The following MYH16 variants were observed in gnomAD, a reference collection of about 807,000 sequenced individuals.
MYH16 encodes putative uncharacterized protein MYH16.
At chr7:99,289,013 C>A in intron 29 of MYH16, among the ~76,000 whole-genome samples, 1 of 151,814 alleles carries the variant, frequency 6.6e-6, no homozygotes, top group East Asian at 1.9e-4. Flanking sequence ...ACTCAGGAGG[C>A]TGTGGTGAGA....
intron 23 of MYH16, chr7:99,280,971 GCTGCACCAGGTAGGTTTCCC>G: frequency 2.5e-6 from 1 of 408,006 alleles, no homozygotes; most frequent in African/African-American, 2.1e-5. Flanking sequence ...CCCTAGAGGA[GCTGCACCAGGTAGGTTTCCC>G]TTGCATCTTC....
chr7:99,307,218 G>A (rs575874475), downstream of MYH16, among the ~76,000 whole-genome samples: 10 of 152,216 alleles, frequency 6.6e-5, no homozygotes, highest in South Asian at 2.1e-4. Context: ...GTTATCTTTC[G>A]TGTCCCCCAC....
At chr7:99,271,005 G>A (rs541593266) in exon 19 of MYH16, 1 of 152,788 alleles carries the variant, frequency 6.5e-6, no homozygotes, top group South Asian at 2.1e-4. Flanking sequence ...CATGAGGGAC[G>A]AGCGTCTGGC....
At chr7:99,282,084 G>A (rs192318864) in intron 23 of MYH16, among the ~76,000 whole-genome samples, 5 of 151,922 alleles carry the variant, frequency 3.3e-5, no homozygotes, top group Non-Finnish European at 5.9e-5. Context: ...GTGCAGTGGC[G>A]TGATCTCAGC....
intron 2 of MYH16, among the ~76,000 whole-genome samples, chr7:99,244,227 T>C (rs992462512): frequency 1.3e-4 from 20 of 152,176 alleles, no homozygotes. Context: ...CATCCACCCA[T>C]CCATCCAACA....
intron 13 of MYH16, among the ~76,000 whole-genome samples, chr7:99,262,527 C>T (rs1791948147): frequency 6.6e-6 from 1 of 152,222 alleles, no homozygotes; most frequent in Non-Finnish European, 1.5e-5. Flanking sequence ...AGTCAAGTGG[C>T]ACCTGTGCAT....
chr7:99,297,976 G>A (rs1792527841), exon 36 of MYH16: 1 of 456,622 alleles, frequency 2.2e-6, no homozygotes, highest in Non-Finnish European at 4.4e-6. Context: ...TGAGAAAGAA[G>A]AAGAATTTGA....
chr7:99,251,518 G>T (rs1245669043), intron 6 of MYH16, among the ~76,000 whole-genome samples: 1 of 152,164 alleles, frequency 6.6e-6, no homozygotes, highest in Non-Finnish European at 1.5e-5. Flanking sequence ...GAAGCATCTA[G>T]AATTTTTCAA....
intron 12 of MYH16, chr7:99,260,384 T>A: frequency 2.5e-6 from 2 of 786,692 alleles, no homozygotes; most frequent in Admixed American, 4.3e-5. Flanking sequence ...GGCCAAGGGA[T>A]GTCACTGGCA....
At chr7:99,259,830 T>C (rs1791918276) in intron 11 of MYH16, among the ~76,000 whole-genome samples, 1 of 107,496 alleles carries the variant, frequency 9.3e-6, no homozygotes, top group Non-Finnish European at 2.0e-5. Context: ...GTATATATTA[T>C]ATATATATGT....
downstream of MYH16, among the ~76,000 whole-genome samples, chr7:99,307,432 G>C (rs73709634): frequency 0.012 from 1,841 of 152,240 alleles, 33 homozygotes; most frequent in African/African-American, 0.042. Flanking sequence ...ATATATAAAA[G>C]TTAAAATAGG....
chr7:99,251,037 T>A (rs561721734), intron 5 of MYH16: 1 of 163,622 alleles, frequency 6.1e-6, no homozygotes, highest in Non-Finnish European at 1.4e-5. Flanking sequence ...CCCTCAGCCC[T>A]GGGCTCCCAG....
intron 24 of MYH16, 107 bp downstream of exon 6, chr7:99,283,758 G>T: frequency 2.3e-6 from 1 of 438,188 alleles, no homozygotes; most frequent in South Asian, 1.6e-5. Flanking sequence ...ATCCCCCGGG[G>T]CGTGAGGGCC....
At chr7:99,275,351 C>CA (rs1269481211) in intron 20 of MYH16, among the ~76,000 whole-genome samples, 3 of 152,142 alleles carry the variant, frequency 2.0e-5, no homozygotes, top group Non-Finnish European at 4.4e-5. Context: ...CAGCCAGTCT[C>CA]AAACTCCTGA....
chr7:99,264,802 C>A (rs1324039498), intron 15 of MYH16, among the ~76,000 whole-genome samples: 1 of 152,238 alleles, frequency 6.6e-6, no homozygotes, highest in East Asian at 1.9e-4. Context: ...CCCTATGGTT[C>A]CTCCTAGTAC....
At chr7:99,262,767 CTGGA>C (rs1482422856) in intron 13 of MYH16, among the ~76,000 whole-genome samples, 1 of 152,162 alleles carries the variant, frequency 6.6e-6, no homozygotes, top group Non-Finnish European at 1.5e-5. Context: ...GCCCCCAGTG[CTGGA>C]TGGATGGAGC....
At chr7:99,262,264 A>G (rs1460681013) in intron 13 of MYH16, among the ~76,000 whole-genome samples, 1 of 152,338 alleles carries the variant, frequency 6.6e-6, no homozygotes, top group East Asian at 1.9e-4. Flanking sequence ...GAGGTTGCTG[A>G]GCCTCTGTGG....
intron 20 of MYH16, among the ~76,000 whole-genome samples, chr7:99,274,335 C>T (rs568028935): frequency 1.3e-5 from 2 of 152,320 alleles, no homozygotes; most frequent in Admixed American, 1.3e-4. Flanking sequence ...GGGAGTCAGG[C>T]ACCAGGCAGC....
chr7:99,271,861 G>A (rs1046013241), intron 19 of MYH16, among the ~76,000 whole-genome samples: 18 of 151,780 alleles, frequency 1.2e-4, no homozygotes, highest in African/African-American at 4.4e-4. Context: ...TACCACACCT[G>A]GCTAATTTTT....
Sources: gnomAD v4.1 joint callset for allele counts (sites outside exome capture counted in the v4.1 genomes callset) on GRCh38, gnomAD v4.1.1 for gene constraint, MANE v1.5 for transcripts, NCBI Gene and HGNC (gene_info 2026-07-23, HGNC 2026-07-21) for gene names.